Variants in ADAM9 observed in about 807,000 individuals in gnomAD.
ADAM9 encodes the protein ADAM metallopeptidase domain 9, also known as disintegrin and metalloproteinase domain-containing protein 9.
ADAM9 carries 54 observed loss-of-function variants against 108.1 expected under a neutral mutation model. That is an observed-to-expected ratio of 0.50 (90% confidence interval 0.40 to 0.63). ADAM9 has a LOEUF of 0.63. Ranked by LOEUF, ADAM9 falls within the 20% of genes least tolerant of loss-of-function variation. The pLI is 0.00. For synonymous variants in ADAM9, 316 were observed against 336.0 expected (o/e 0.94, Z 0.65); for missense variants, 830 against 997.7 (o/e 0.83, Z 2.26).
intron 1 of ADAM9, among the ~76,000 whole-genome samples, chr8:39,000,161 T>G (rs1381067996): frequency 6.6e-6 from 1 of 151,740 alleles, no homozygotes; most frequent in Non-Finnish European, 1.5e-5. Flanking sequence ...CCTGGCTAGT[T>G]TTTTGTATTT....
At chr8:39,027,818 A>G (rs1836970164) in intron 11 of ADAM9, among the ~76,000 whole-genome samples, 1 of 152,172 alleles carries the variant, frequency 6.6e-6, no homozygotes, top group Non-Finnish European at 1.5e-5. Context: ...CTGGTGGCTC[A>G]TGCCTATAAT....
Position 39,054,566 on chromosome 8 carries a change from A to G in ADAM9, c.1388A>G (p.Asp463Gly). ...TGTGCATATGGTGACTGTTGTAAAG[A>G]CTGTCGGGTAAGGAATTCCTCCCTT... Reference protein sequence around the residue: ...AECAYGDCCKDCRFLPGGTLC... With the variant: ...AECAYGDCCKGCRFLPGGTLC... Residue 463 changes from aspartate to glycine, a missense_variant, in exon 13 of 22, where the codon GAC becomes GGC. Coordinates refer to ENST00000487273, the MANE Select transcript of ADAM9 (RefSeq NM_003816.3). The G allele has an allele frequency of 6.3e-7, 1 of 1,598,808 alleles. No homozygotes were observed. The highest frequency in any genetic ancestry group is 8.6e-7 in the Non-Finnish European group (1 of 1,168,754).
At chr8:39,016,222 T>C (rs1836521641) in intron 5 of ADAM9, 28 bp downstream of exon 5, 1 of 1,586,624 alleles carries the variant, frequency 6.3e-7, no homozygotes, top group African/African-American at 1.3e-5. Flanking sequence ...TCTTCTTTTT[T>C]TTTGTTTCCC....
intron 13 of ADAM9, 129 bp from the exon 14 acceptor site, chr8:39,055,448 T>G (rs528948643): frequency 1.1e-6 from 1 of 910,686 alleles, no homozygotes; most frequent in East Asian, 2.6e-5. Context: ...TGTTCATTTT[T>G]CTGTTGGGTT....
chr8:39,098,779 C>T (rs1839588757), intron 20 of ADAM9, among the ~76,000 whole-genome samples: 1 of 152,056 alleles, frequency 6.6e-6, no homozygotes, highest in African/African-American at 2.4e-5. Flanking sequence ...CTCGTGATGG[C>T]TCATTTCTTA....
intron 1 of ADAM9, among the ~76,000 whole-genome samples, chr8:39,000,706 T>A (rs1331902027): frequency 2.6e-5 from 4 of 152,102 alleles, no homozygotes; most frequent in Non-Finnish European, 5.9e-5. Context: ...GGCTCAAGTG[T>A]TCCTCCTGCA....
At chr8:39,029,644 A>G (rs963267042) in intron 11 of ADAM9, among the ~76,000 whole-genome samples, 2 of 152,212 alleles carry the variant, frequency 1.3e-5, no homozygotes, top group African/African-American at 2.4e-5. Flanking sequence ...TGAGATGATT[A>G]TGTGACTTTG....
At position 39,045,358 on chromosome 8, in the gene ADAM9, A is replaced by ACACACC. The variant is rs1398231147; in HGVS notation, c.1302+3241_1302+3242insCACACC. On this transcript the variant is annotated intron_variant, in intron 12 of 21. Transcript: ENST00000487273. ...TACACCTATACATGTGTGTACATAC[A>ACACACC]TATAGGTGTGTGTACATACACCTAT... Among the ~76,000 whole-genome samples, 12 of 93,542 alleles carry ACACACC rather than the reference A, an allele frequency of 1.3e-4. 4 individuals are homozygous for ACACACC. Among genetic ancestry groups the ACACACC allele is most frequent in the African/African-American group, 4.2e-4 (10 of 24,020 alleles). The allele number at this position is 93,542 out of a possible 152,430, so 61.4% of individuals were successfully genotyped here. A position where few individuals can be genotyped will look rare whatever the true frequency, so the allele number is the denominator to read the frequency against.
intron 2 of ADAM9, among the ~76,000 whole-genome samples, chr8:39,009,911 GGAGAGA>G (rs138490995): frequency 1.5e-4 from 13 of 84,760 alleles, no homozygotes; most frequent in Non-Finnish European, 2.5e-4. Flanking sequence ...GGGGGGGCAG[GGAGAGA>G]GAGAGAGAGA....
chr8:39,011,670 A>T lies in ADAM9; in HGVS notation c.208A>T (p.Ile70Phe). 6.2e-7 allele frequency: 1 copy of T among 1,611,044 alleles called. No homozygotes were observed. Among genetic ancestry groups the T allele is most frequent in the Non-Finnish European group, 8.5e-7 (1 of 1,177,304 alleles). Reference sequence around the variant, plus strand: ...TCTGTGCATTTAGGTATCTTATGTTATTCAGGCTGAAGGAAAAGAGCATAT... The same window carrying T: ...TCTGTGCATTTAGGTATCTTATGTTTTTCAGGCTGAAGGAAAAGAGCATAT... Reference protein sequence around the residue: ...RPYSKQVSYVIQAEGKEHIIH... With the variant: ...RPYSKQVSYVFQAEGKEHIIH... Residue 70 changes from isoleucine (I) to phenylalanine (F), a missense_variant, in exon 3 of 22, where the codon ATT becomes TTT. Transcript: ENST00000487273.
chr8:39,074,734 T>C (rs1375691096), intron 15 of ADAM9, among the ~76,000 whole-genome samples: 1 of 152,090 alleles, frequency 6.6e-6, no homozygotes, highest in African/African-American at 2.4e-5. Context: ...TCACTTTTAA[T>C]CCAGAATACC....
chr8:39,054,254 A>C (rs1025388098), intron 12 of ADAM9, among the ~76,000 whole-genome samples: 5 of 152,200 alleles, frequency 3.3e-5, no homozygotes, highest in African/African-American at 4.8e-5. Flanking sequence ...GAGCAGACTA[A>C]GTAAGGCACA....
chr8:39,011,188 G>GA (rs1210476650), intron 2 of ADAM9, among the ~76,000 whole-genome samples: 1 of 152,048 alleles, frequency 6.6e-6, no homozygotes, highest in Non-Finnish European at 1.5e-5. Flanking sequence ...TAATGTGAGG[G>GA]AAAAAAGCAT....
At chr8:39,018,037 T>A (rs1319726076) in intron 6 of ADAM9, among the ~76,000 whole-genome samples, 1 of 152,266 alleles carries the variant, frequency 6.6e-6, no homozygotes, top group African/African-American at 2.4e-5. Context: ...CTTTAAGTGA[T>A]GATAAACTAT....
intron 2 of ADAM9, among the ~76,000 whole-genome samples, chr8:39,009,964 A>AAAGAAACCC (rs1554572507): frequency 9.4e-6 from 1 of 106,530 alleles, no homozygotes; most frequent in Admixed American, 1.1e-4. Flanking sequence ...ACAAAAACAA[A>AAAGAAACCC]CCCCCCCCCC....
At chr8:39,077,984 A>T (rs940546799) in intron 16 of ADAM9, among the ~76,000 whole-genome samples, 2 of 152,134 alleles carry the variant, frequency 1.3e-5, no homozygotes, top group Admixed American at 6.6e-5. Context: ...GGTAGAAGGG[A>T]TGTGGCAGCC....
chr8:39,015,139 T>G (rs1290262750), intron 4 of ADAM9: 1 of 152,354 alleles, frequency 6.6e-6, no homozygotes, highest in Non-Finnish European at 1.5e-5. Context: ...AGACATACAC[T>G]GTTTGGGCTT....
At position 39,051,774 on chromosome 8, in the gene ADAM9, T is replaced by C. The variant is rs574427086; in HGVS notation, c.1303-2707T>C. ...GACATTTTTCTGTATCATTTTATTA[T>C]GTAGACATAGCCCTTTAATTTGCTG... is the stretch of plus-strand genomic sequence containing the variant. On this transcript the variant is annotated intron_variant, in intron 12 of 21. Coordinates refer to ENST00000487273, the MANE Select transcript of ADAM9 (RefSeq NM_003816.3). 3.3e-5 allele frequency among the ~76,000 whole-genome samples: 5 copies of C among 152,366 alleles called. No homozygotes were observed. The South Asian group carries it at 8.3e-4, about 25-fold the overall frequency.
chr8:39,039,917 A>G (rs1048103960), intron 11 of ADAM9, among the ~76,000 whole-genome samples: 1 of 152,112 alleles, frequency 6.6e-6, no homozygotes, highest in Non-Finnish European at 1.5e-5. Flanking sequence ...GGGTCATATG[A>G]TAGTTCTGTT....
Sources: gnomAD v4.1 joint callset for allele counts (sites outside exome capture counted in the v4.1 genomes callset) on GRCh38, gnomAD v4.1.1 for gene constraint, MANE v1.5 for transcripts, NCBI Gene and HGNC (gene_info 2026-07-23, HGNC 2026-07-21) for gene names.